The following MYLK variants were observed in gnomAD, a reference collection of about 807,000 sequenced individuals.
The protein encoded by MYLK is myosin light chain kinase, also known as myosin light chain kinase, smooth muscle.
A neutral mutation model predicts 203.4 loss-of-function variants in MYLK; 106 were observed. The observed-to-expected ratio is 0.52, with a 90% confidence interval of 0.45 to 0.61. The LOEUF (loss-of-function observed/expected upper bound fraction) is 0.61. Among genes scored for constraint, MYLK ranks in the 20% least tolerant of loss-of-function variants. MYLK has a pLI of 0.00. For synonymous variants in MYLK, 867 were observed against 959.5 expected, an observed-to-expected ratio of 0.90 and a Z score of 1.78; for missense variants, 2,072 against 2,442.3, an observed-to-expected ratio of 0.85 and a Z score of 3.20.
chr3:123,877,167 A>C (rs2033203922), intron 1 of MYLK, among the ~76,000 whole-genome samples: 1 of 152,168 alleles, frequency 6.6e-6, no homozygotes, highest in South Asian at 2.1e-4. Context: ...AGACACAGGA[A>C]AGTATCAATT....
intron 33 of MYLK, among the ~76,000 whole-genome samples, chr3:123,616,144 A>ATTT (rs2057480117): frequency 6.6e-6 from 1 of 152,204 alleles, no homozygotes; most frequent in Non-Finnish European, 1.5e-5. Flanking sequence ...TTATAACTGA[A>ATTT]TAAAGCTAAT....
intron 18 of MYLK, among the ~76,000 whole-genome samples, chr3:123,697,446 AG>A (rs1229088056): frequency 2.0e-5 from 3 of 152,200 alleles, no homozygotes; most frequent in African/African-American, 7.2e-5. Context: ...AGGAGTAAAT[AG>A]TCATTAGTGT....
At chr3:123,657,723 A>G (rs554139580) in intron 23 of MYLK, among the ~76,000 whole-genome samples, 1 of 152,332 alleles carries the variant, frequency 6.6e-6, no homozygotes, top group Non-Finnish European at 1.5e-5. Flanking sequence ...AGTCATAAAC[A>G]TATTTGTCAG....
At chr3:123,666,157 G>C in intron 22 of MYLK, 62 bp downstream of exon 22, 4 of 1,613,310 alleles carry the variant, frequency 2.5e-6, no homozygotes, top group Non-Finnish European at 3.4e-6. Context: ...CATCCCTTTC[G>C]GTCCAAAGGC....
At chr3:123,760,949 G>C (rs1053850705) in intron 4 of MYLK, among the ~76,000 whole-genome samples, 1 of 152,198 alleles carries the variant, frequency 6.6e-6, no homozygotes, top group Non-Finnish European at 1.5e-5. Flanking sequence ...TTGAGCCTTG[G>C]AGACAGAGAC....
chr3:123,836,972 G>A (rs1311951021), intron 2 of MYLK, among the ~76,000 whole-genome samples: 2 of 152,158 alleles, frequency 1.3e-5, no homozygotes, highest in Admixed American at 6.5e-5. Flanking sequence ...CCAACACTTA[G>A]AATCAAGTAT....
intron 31 of MYLK, chr3:123,625,124 A>T (rs2058073057): frequency 6.6e-6 from 1 of 152,224 alleles, no homozygotes; most frequent in Admixed American, 6.6e-5. Flanking sequence ...CTTCTCCTCC[A>T]CCTGTGCAGT....
chr3:123,716,489 A>G (rs1176395619), intron 13 of MYLK: 1 of 152,230 alleles, frequency 6.6e-6, no homozygotes, highest in Non-Finnish European at 1.5e-5. Context: ...TGAAAGGAAC[A>G]ATGACGTATA....
At chr3:123,759,745 A>T (rs1393110768) in intron 4 of MYLK, among the ~76,000 whole-genome samples, 1 of 152,244 alleles carries the variant, frequency 6.6e-6, no homozygotes. Context: ...ACAGAGACCC[A>T]AAACTGAGAA....
intron 14 of MYLK, chr3:123,709,266 G>A (rs907544247): frequency 8.1e-5 from 18 of 222,948 alleles, no homozygotes; most frequent in South Asian, 3.4e-4. Flanking sequence ...TCAGCCTCCC[G>A]AGTAGCTGGG....
At chr3:123,759,876 A>C (rs1451996286) in intron 4 of MYLK, among the ~76,000 whole-genome samples, 1 of 152,220 alleles carries the variant, frequency 6.6e-6, no homozygotes, top group Non-Finnish European at 1.5e-5. Context: ...AGTGAAGAGA[A>C]GAAATGGAGA....
intron 13 of MYLK, among the ~76,000 whole-genome samples, chr3:123,721,813 AGTGGAGTG>A (rs1298733523): frequency 6.8e-6 from 1 of 146,912 alleles, no homozygotes; most frequent in Non-Finnish European, 1.5e-5. Context: ...CCATGGCCCC[AGTGGAGTG>A]AGGGGGTGAG....
At chr3:123,659,679 T>C (rs1477102449) in intron 23 of MYLK, 2 of 518,336 alleles carry the variant, frequency 3.9e-6, no homozygotes, top group Admixed American at 1.9e-5. Flanking sequence ...AGTAAAGGGA[T>C]GAAAACTCTC....
chr3:123,697,148 C>T (rs145141024), intron 18 of MYLK, among the ~76,000 whole-genome samples: 3 of 152,328 alleles, frequency 2.0e-5, no homozygotes, highest in African/African-American at 7.2e-5. Context: ...ACTCCCTCCA[C>T]CTCTCAGAAT....
rs758153631 is a variant in MYLK, at chr3:123,614,141, C to G, written c.5709G>C (p.Glu1903Asp). 6.2e-7 allele frequency: 1 copy of G among 1,613,922 alleles called. No individual in the cohort carries two copies. The highest frequency in any genetic ancestry group is 8.5e-7 in the Non-Finnish European group (1 of 1,180,000). Residue 1903 changes from glutamate to aspartate, a missense_variant, in exon 34 of 34, where the codon GAG becomes GAC. Physicochemically the swap from Glu to Asp is conservative, Grantham distance 45 (BLOSUM62 2). Around this residue, in one of 3 missense-constraint regions of MYLK, gnomAD observed 524 missense variants for 782.4 expected, o/e 0.67. Transcript: ENST00000360304. ...CCTCTTCCCCTTCCCCTTCACCTTCCTCCATCGTTTCCACAATGAGCTCTG... is the reference window on the plus strand; with the variant it reads ...CCTCTTCCCCTTCCCCTTCACCTTCGTCCATCGTTTCCACAATGAGCTCTG... ...CTAELIVETM[E>D]EGEGEGEEEE...
At chr3:123,649,422 C>T (rs2059133971) in intron 24 of MYLK, among the ~76,000 whole-genome samples, 1 of 152,248 alleles carries the variant, frequency 6.6e-6, no homozygotes, top group Non-Finnish European at 1.5e-5. Flanking sequence ...TCCACTTCTC[C>T]ACCAGGTCTC....
intron 31 of MYLK, 111 bp from the exon 32 acceptor site, chr3:123,620,447 G>T (rs2057792308): frequency 1.3e-6 from 2 of 1,592,394 alleles, no homozygotes; most frequent in Non-Finnish European, 1.7e-6. Flanking sequence ...CTGTTCCCTG[G>T]AACAAGGACC....
chr3:123,865,260 A>C (rs1445159984), intron 2 of MYLK, among the ~76,000 whole-genome samples: 1 of 152,232 alleles, frequency 6.6e-6, no homozygotes, highest in Non-Finnish European at 1.5e-5. Context: ...CTAGGAAAAT[A>C]CAGAAATTAT....
chr3:123,805,578 G>A (rs935143112), intron 3 of MYLK, among the ~76,000 whole-genome samples: 1 of 152,316 alleles, frequency 6.6e-6, no homozygotes, highest in African/African-American at 2.4e-5. Flanking sequence ...GTCCAGAGCT[G>A]TATCATAAAC....
Sources: gnomAD v4.1 joint callset for allele counts (sites outside exome capture counted in the v4.1 genomes callset) on GRCh38, gnomAD v4.1.1 for gene constraint, gnomAD v4.1.1 regional missense constraint, MANE v1.5 for transcripts, NCBI Gene and HGNC (gene_info 2026-07-23, HGNC 2026-07-21) for gene names.